Variants in SLC35H1 observed in about 807,000 individuals in gnomAD.
SLC35H1 encodes solute carrier family 35 member H1.
the SLC35H1 span, among the ~76,000 whole-genome samples, chr20:46,360,411 A>G: frequency 1.3e-5 from 2 of 152,230 alleles, no homozygotes; most frequent in African/African-American, 4.8e-5. Flanking sequence ...ACACTCCTAG[A>G]GGGTCCACAC....
the SLC35H1 span, chr20:46,347,214 C>T: frequency 7.5e-4 from 115 of 152,376 alleles, no homozygotes; most frequent in African/African-American, 2.3e-3. Context: ...CAAAGAGAGA[C>T]ACGTCTCTCA....
At chr20:46,354,435 C>T in the SLC35H1 span, among the ~76,000 whole-genome samples, 2 of 152,164 alleles carry the variant, frequency 1.3e-5, no homozygotes, top group Admixed American at 1.3e-4. Context: ...TCCTTAGAGG[C>T]AAGATAGGGT....
At chr20:46,358,617 G>A in the SLC35H1 span, 48 of 1,576,532 alleles carry the variant, frequency 3.0e-5, no homozygotes, top group Admixed American at 4.6e-4. Context: ...CACCAAGAAC[G>A]TCTCCAGGCT....
At chr20:46,363,985 C>T in the SLC35H1 span, 1 of 152,376 alleles carries the variant, frequency 6.6e-6, no homozygotes, top group Non-Finnish European at 1.5e-5. Context: ...TCCAATGCCC[C>T]ACCCCTCCCA....
the SLC35H1 span, chr20:46,350,892 T>TG: frequency 3.1e-6 from 5 of 1,613,616 alleles, no homozygotes; most frequent in African/African-American, 6.7e-5. Flanking sequence ...GCAGACTTCC[T>TG]GGGGGCAGAG....
chr20:46,358,363 C>T, the SLC35H1 span: 196 of 1,607,218 alleles, frequency 1.2e-4, no homozygotes, highest in Non-Finnish European at 1.6e-4. Context: ...CCCAGCACCC[C>T]GCCCCAGCAA....
chr20:46,358,152 A>T, the SLC35H1 span, among the ~76,000 whole-genome samples: 1 of 152,142 alleles, frequency 6.6e-6, no homozygotes, highest in Admixed American at 6.5e-5. Flanking sequence ...CTTGAGCCCC[A>T]GTTTCCCCAG....
the SLC35H1 span, chr20:46,357,851 C>G: frequency 1.3e-6 from 2 of 1,541,114 alleles, no homozygotes; most frequent in Non-Finnish European, 8.9e-7. Flanking sequence ...CCTCTTCGCC[C>G]CTCTGCTGGA....
At chr20:46,350,788 C>A in the SLC35H1 span, 2 of 1,614,076 alleles carry the variant, frequency 1.2e-6, no homozygotes, top group Non-Finnish European at 1.7e-6. Flanking sequence ...TTGAGGGCAA[C>A]GTGGAGGGAT....
At chr20:46,356,284 T>C in the SLC35H1 span, among the ~76,000 whole-genome samples, 1 of 152,236 alleles carries the variant, frequency 6.6e-6, no homozygotes, top group African/African-American at 2.4e-5. Flanking sequence ...GCCACCTGTC[T>C]GTGGCCTTGC....
chr20:46,358,302 C>G, the SLC35H1 span: 4 of 1,268,176 alleles, frequency 3.2e-6, no homozygotes, highest in South Asian at 2.5e-5. Context: ...AAGCTTGTGC[C>G]TTCCTGTTAA....
chr20:46,348,955 C>A, the SLC35H1 span: 2 of 152,232 alleles, frequency 1.3e-5, no homozygotes, highest in African/African-American at 4.8e-5. Context: ...TTTGCAGACC[C>A]ATTTTTAAAG....
the SLC35H1 span, chr20:46,350,075 G>A: frequency 4.7e-6 from 1 of 212,042 alleles, no homozygotes; most frequent in Non-Finnish European, 9.3e-6. Flanking sequence ...TTAGAAAGCT[G>A]CTGTGCCTTG....
chr20:46,346,053 A>T, the SLC35H1 span: 2 of 152,238 alleles, frequency 1.3e-5, no homozygotes, highest in African/African-American at 4.8e-5. Context: ...GGCACATTGT[A>T]GACTGTCCAG....
the SLC35H1 span, chr20:46,356,566 G>A: frequency 3.7e-6 from 6 of 1,613,900 alleles, no homozygotes; most frequent in Non-Finnish European, 5.1e-6. Flanking sequence ...GGCATGGCCA[G>A]TACTCACAGC....
the SLC35H1 span, chr20:46,350,481 G>A: frequency 3.2e-5 from 52 of 1,613,178 alleles, no homozygotes; most frequent in African/African-American, 5.7e-4. Context: ...GCTCCAGGTC[G>A]GGGCTGGAGC....
chr20:46,349,382 G>T, the SLC35H1 span: 123,456 of 152,210 alleles, frequency 0.81, 52,522 homozygotes, highest in Non-Finnish European at 0.93. Flanking sequence ...AGCCCCAGGG[G>T]CCCATGAAGT....
the SLC35H1 span, chr20:46,357,746 T>A: frequency 1.2e-6 from 2 of 1,614,012 alleles, no homozygotes; most frequent in Non-Finnish European, 1.7e-6. Context: ...AGGTGCAGCA[T>A]CGTCATGAAG....
At chr20:46,355,072 C>A in the SLC35H1 span, 4 of 1,614,066 alleles carry the variant, frequency 2.5e-6, no homozygotes, top group East Asian at 2.2e-5. The surrounding 1 kb of genome is among the most constrained non-coding windows in gnomAD (Gnocchi z 4.8). Flanking sequence ...CACGTGCTCA[C>A]CGAGTTCAGC....
Sources: allele counts gnomAD v4.1 joint callset (sites outside exome capture counted in the v4.1 genomes callset), GRCh38; gene constraint gnomAD v4.1.1; non-coding constraint Gnocchi (gnomAD v3.1); transcripts MANE v1.5; gene names NCBI Gene and HGNC (gene_info 2026-07-23, HGNC 2026-07-21).